The following ZFPM1 variants were observed in gnomAD, a reference collection of about 807,000 sequenced individuals.
ZFPM1 encodes the protein zinc finger protein ZFPM1.
In ZFPM1, 28 loss-of-function variants were observed where a neutral mutation model predicts 46.3. That is an observed-to-expected ratio of 0.60 (90% CI 0.45 to 0.83). The LOEUF is 0.83. Among genes scored for constraint, ZFPM1 ranks in the 40% least tolerant of loss-of-function variants. The pLI is 0.00. For synonymous variants in ZFPM1, 957 were observed against 675.9 expected (o/e 1.42, Z -6.45); for missense variants, 1,878 against 1,432.4 (o/e 1.31, Z -5.02).
Position 88,534,965 on chromosome 16 carries a change from G to T in ZFPM1, c.3007G>T (p.Glu1003Ter). Reference protein sequence around the residue: ...KKYYCSSHAAEHVK With the variant: ...KKYYCSSHAA ...GTATTACTGCTCCTCGCACGCCGCCGAGCACGTGAAGTGAGCGCCCACACT... is the reference window on the plus strand; with the variant it reads ...GTATTACTGCTCCTCGCACGCCGCCTAGCACGTGAAGTGAGCGCCCACACT... Residue 1003 changes from glutamate (E) to a stop codon, truncating the protein, a stop_gained, in exon 10 of 10, where the codon GAG becomes TAG. Coordinates refer to ENST00000319555, the MANE Select transcript of ZFPM1 (RefSeq NM_153813.3). LOFTEE classifies it high-confidence loss of function. 1 of 1,466,284 alleles carries T rather than the reference G, an allele frequency of 6.8e-7. No homozygotes were observed. The highest frequency in any genetic ancestry group is 9.1e-7 in the Non-Finnish European group (1 of 1,096,788). 90.8% of individuals were successfully genotyped at this position (1,466,284 alleles called of 1,614,324 possible).
chr16:88,518,287 GGGAGGATAACCA>G (rs1247357138), intron 4 of ZFPM1, among the ~76,000 whole-genome samples: 1 of 152,080 alleles, frequency 6.6e-6, no homozygotes, highest in African/African-American at 2.4e-5. Context: ...GTGGATGGAT[GGGAGGATAACCA>G]GGTGGATGGA....
Position 88,535,603 on chromosome 16 carries a change from G to A in ZFPM1, c.*624G>A, listed in dbSNP as rs1396869683. On this transcript the variant is annotated 3_prime_UTR_variant, in exon 10 of 10. Transcript: ENST00000319555. ...GAGGATGAAGCCCTGTGGTGGCCAA[G>A]GCTGGGGGAAGAACAGGCGAGTAGG... 6.6e-6 allele frequency: 1 copy of A among 152,504 alleles called. No homozygotes were observed. The highest frequency in any genetic ancestry group is 2.4e-5 in the African/African-American group (1 of 41,468). The allele number at this position is 152,504 out of a possible 1,614,324, so 9.4% of individuals were successfully genotyped here. A position where few individuals can be genotyped will look rare whatever the true frequency, so the allele number is the denominator to read the frequency against.
chr16:88,460,538 G>C (rs1379190305), intron 1 of ZFPM1, among the ~76,000 whole-genome samples: 1 of 152,200 alleles, frequency 6.6e-6, no homozygotes, highest in African/African-American at 2.4e-5. Flanking sequence ...GAGATGGTCT[G>C]GTCCTGCCCT....
intron 1 of ZFPM1, among the ~76,000 whole-genome samples, chr16:88,457,539 G>A (rs971240189): frequency 7.2e-5 from 11 of 152,336 alleles, no homozygotes; most frequent in African/African-American, 2.4e-4. Flanking sequence ...CCATCCTGAG[G>A]GGAACGGTGC....
At chr16:88,466,569 C>T (rs1175219875) in intron 1 of ZFPM1, among the ~76,000 whole-genome samples, 5 of 152,200 alleles carry the variant, frequency 3.3e-5, no homozygotes, top group Non-Finnish European at 5.9e-5. Flanking sequence ...GGCTGAGGGC[C>T]GCACAGCCCA....
At chr16:88,528,614 AC>A (rs1912533751) in intron 6 of ZFPM1, among the ~76,000 whole-genome samples, 1 of 152,052 alleles carries the variant, frequency 6.6e-6, no homozygotes. Context: ...GGGCCAGGTC[AC>A]TCCACAGTGG....
intron 3 of ZFPM1, among the ~76,000 whole-genome samples, chr16:88,502,065 C>CCCATTTATTT (rs1245793542): frequency 1.4e-5 from 1 of 72,940 alleles, no homozygotes; most frequent in African/African-American, 5.1e-5. Context: ...CGCCCCCCCC[C>CCCATTTATTT]ATTTATTTAT....
rs71395304 is a variant in ZFPM1, at chr16:88,533,251, G to C, written c.1293G>C (p.Lys431Asn). The change falls in exon 10 of 10, where the codon AAG becomes AAC. Residue 431 changes from lysine (K) to asparagine (N), a missense_variant. Coordinates refer to ENST00000319555, the MANE Select transcript of ZFPM1 (RefSeq NM_153813.3). ...APTPSPGLDR[K>N]ALAEATNGEA... ...CCCCATCGCCAGGACTGGACAGAAAGGCCCTGGCCGAGGCCACCAACGGAG... is the reference window on the plus strand; with the variant it reads ...CCCCATCGCCAGGACTGGACAGAAACGCCCTGGCCGAGGCCACCAACGGAG... 4.2e-5 allele frequency: 65 copies of C among 1,554,716 alleles called. No individual in the cohort carries two copies. The highest frequency in any genetic ancestry group is 5.1e-5 in the Non-Finnish European group (59 of 1,157,606).
intron 3 of ZFPM1, among the ~76,000 whole-genome samples, chr16:88,492,928 T>C (rs1909660390): frequency 6.6e-6 from 1 of 152,154 alleles, no homozygotes. Context: ...ACCGGAGAGC[T>C]GTCCCGGGGA....
In ZFPM1 at chr16:88,532,970, A is replaced by C. The variant is rs762569583; in HGVS notation, c.1189+35A>C. On this transcript the variant is annotated intron_variant, in intron 9 of 9. Coordinates refer to ENST00000319555, the MANE Select transcript of ZFPM1 (RefSeq NM_153813.3). Reference sequence around the variant, plus strand: ...CCTGTGGGGGCCACCCCTGCCCCTTAGGCCCCCTGAGCAGTGGGAAGGGAG... The same window carrying C: ...CCTGTGGGGGCCACCCCTGCCCCTTCGGCCCCCTGAGCAGTGGGAAGGGAG... 3.1e-6 allele frequency: 5 copies of C among 1,610,944 alleles called. No homozygotes were observed. The Admixed American group carries it at 6.7e-5, about 22-fold the overall frequency.
At chr16:88,458,061 G>T (rs1485581629) in intron 1 of ZFPM1, among the ~76,000 whole-genome samples, 2 of 152,222 alleles carry the variant, frequency 1.3e-5, no homozygotes, top group Non-Finnish European at 2.9e-5. Flanking sequence ...GTCCTCTTCT[G>T]ATCACTATTT....
chr16:88,508,592 C>T (rs899319130), intron 3 of ZFPM1, among the ~76,000 whole-genome samples: 1 of 152,232 alleles, frequency 6.6e-6, no homozygotes, highest in African/African-American at 2.4e-5. Flanking sequence ...CGGTGCCTGC[C>T]GTGGGCCCTG....
intron 3 of ZFPM1, among the ~76,000 whole-genome samples, chr16:88,509,551 C>T (rs550453582): frequency 5.9e-5 from 9 of 152,392 alleles, no homozygotes; most frequent in Non-Finnish European, 1.2e-4. Flanking sequence ...GACGCCTTCA[C>T]CTGCCTCCTC....
rs1907404672 is a variant in ZFPM1, at chr16:88,453,802, G to A, written c.40+124G>A. 2.3e-5 allele frequency: 12 copies of A among 520,470 alleles called. No homozygotes were observed. The South Asian group carries it at 8.6e-4, about 37-fold the overall frequency. 32.2% of individuals were successfully genotyped at this position (520,470 alleles called of 1,614,324 possible). The stretch of plus-strand genomic sequence containing the variant: ...GCCGGCGACCTTCACCCCGCGCCGC[G>A]CCCCCCGCGCTGTGCCAAGCGCGCC... On this transcript the variant is annotated intron_variant, in intron 1 of 9. Transcript: ENST00000319555.
At position 88,502,069 on chromosome 16, in the gene ZFPM1, T is replaced by G. The variant is rs55824135; in HGVS notation, c.269-12318T>G. 3.6e-5 allele frequency among the ~76,000 whole-genome samples: 2 copies of G among 55,378 alleles called. 1 individual carries two copies. Among genetic ancestry groups the G allele is most frequent in the Non-Finnish European group, 8.5e-5 (2 of 23,440 alleles). 36.3% of individuals were successfully genotyped at this position (55,378 alleles called of 152,430 possible). A position where few individuals can be genotyped will look rare whatever the true frequency, so the allele number is the denominator to read the frequency against. The stretch of plus-strand genomic sequence containing the variant: ...GCGGCTCCACCCGCCCCCCCCCATT[T>G]ATTTATTTATTTATTTATTTATTTA... On this transcript the variant is annotated intron_variant, in intron 3 of 9. Coordinates refer to ENST00000319555, the MANE Select transcript of ZFPM1 (RefSeq NM_153813.3).
chr16:88,527,131 G>T (rs935670861), intron 5 of ZFPM1, among the ~76,000 whole-genome samples: 4 of 152,208 alleles, frequency 2.6e-5, no homozygotes, highest in Admixed American at 6.5e-5. Context: ...CCGACTGGCA[G>T]GCTGAGCCAG....
chr16:88,500,404 G>A (rs189441001), intron 3 of ZFPM1, among the ~76,000 whole-genome samples: 21 of 152,352 alleles, frequency 1.4e-4, no homozygotes, highest in Admixed American at 8.5e-4. Context: ...AGCCACAAGC[G>A]TGTCGCTGGC....
chr16:88,494,262 G>A (rs528091730), intron 3 of ZFPM1, among the ~76,000 whole-genome samples: 1 of 152,260 alleles, frequency 6.6e-6, no homozygotes, highest in South Asian at 2.1e-4. Context: ...GGCCGAGCAG[G>A]GGCCGGGAGC....
At position 88,514,530 on chromosome 16, in the gene ZFPM1, C is replaced by T; in HGVS notation, c.402+10C>T. On this transcript the variant is annotated intron_variant, in intron 4 of 9. Coordinates refer to ENST00000319555, the MANE Select transcript of ZFPM1 (RefSeq NM_153813.3). ...CAGGCAGGCGGAGCCGGTAAGAAGC[C>T]CCCATCCCCGCCCCTGCCCGCCCAC... 1.3e-6 allele frequency: 2 copies of T among 1,552,444 alleles called. No homozygotes were observed. The highest frequency in any genetic ancestry group is 1.2e-5 in the South Asian group (1 of 84,242).
Sources: gnomAD v4.1 joint callset for allele counts (sites outside exome capture counted in the v4.1 genomes callset) on GRCh38, gnomAD v4.1.1 for gene constraint, MANE v1.5 for transcripts, NCBI Gene and HGNC (gene_info 2026-07-23, HGNC 2026-07-21) for gene names.